Variants in SAMD12 observed in about 807,000 individuals in gnomAD.
The protein encoded by SAMD12 is sterile alpha motif domain containing 12.
Under a neutral mutation model 15.0 loss-of-function variants are expected in SAMD12, and 9 were observed. The ratio of observed to expected loss-of-function variants is 0.60; its 90% CI spans 0.36 to 1.05. The LOEUF (loss-of-function observed/expected upper bound fraction) is 1.05. Among genes scored for constraint, SAMD12 ranks in the 50% least tolerant of loss-of-function variants. The pLI is 0.01. For synonymous variants in SAMD12, 86 were observed against 90.1 expected, an observed-to-expected ratio of 0.96 and a Z score of 0.25; for missense variants, 230 against 234.2, an observed-to-expected ratio of 0.98 and a Z score of 0.12.
chr8:118,193,920 A>G (rs1819481028), exon 5 of SAMD12: 1 of 152,230 alleles, frequency 6.6e-6, no homozygotes, highest in Admixed American at 6.5e-5. Flanking sequence ...CTAGTTGTCA[A>G]GTAACAAAAT....
chr8:118,537,889 T>C (rs753133256), intron 2 of SAMD12, among the ~76,000 whole-genome samples: 6 of 152,192 alleles, frequency 3.9e-5, no homozygotes, highest in Non-Finnish European at 7.3e-5. Flanking sequence ...AAGAATTATG[T>C]CTTTATTGTA....
chr8:118,340,706 T>C (rs1586562180), intron 4 of SAMD12, among the ~76,000 whole-genome samples: 1 of 151,944 alleles, frequency 6.6e-6, no homozygotes, highest in Admixed American at 6.6e-5. Context: ...GAGGTGGAGG[T>C]TGCAGTGAGC....
chr8:118,347,133 A>G (rs1486494002), intron 4 of SAMD12, among the ~76,000 whole-genome samples: 1 of 152,146 alleles, frequency 6.6e-6, no homozygotes, highest in East Asian at 1.9e-4. Flanking sequence ...CTCGCTGTGT[A>G]GCTCAGACTG....
Position 118,378,351 on chromosome 8 carries a change from A to C in SAMD12, c.*1066T>G, listed in dbSNP as rs1819492801. On this transcript the variant is annotated 3_prime_UTR_variant, in exon 4 of 4. Coordinates refer to ENST00000314727, the MANE Select transcript of SAMD12 (RefSeq NM_207506.3). Reference sequence around the variant, plus strand: ...GTATTTCTATCTACTTCTTAAAAGAAGCTTAAAAGCCTATCAGTATTTCAC... The same window carrying C: ...GTATTTCTATCTACTTCTTAAAAGACGCTTAAAAGCCTATCAGTATTTCAC... 1.1e-6 allele frequency: 1 copy of C among 917,308 alleles called. No individual in the cohort carries two copies. The highest frequency in any genetic ancestry group is 5.0e-5 in the South Asian group (1 of 19,844). 56.8% of individuals were successfully genotyped at this position (917,308 alleles called of 1,614,324 possible). A position where few individuals can be genotyped will look rare whatever the true frequency, so the allele number is the denominator to read the frequency against.
intron 4 of SAMD12, among the ~76,000 whole-genome samples, chr8:118,229,832 G>T (rs773853032): frequency 2.6e-5 from 4 of 152,126 alleles, no homozygotes; most frequent in Non-Finnish European, 5.9e-5. Context: ...TGCCCTACCA[G>T]GGCCAGTAAT....
intron 4 of SAMD12, among the ~76,000 whole-genome samples, chr8:118,200,380 G>A (rs374462170): frequency 6.0e-5 from 8 of 134,040 alleles, no homozygotes; most frequent in Non-Finnish European, 1.1e-4. Context: ...CAATCAGCAC[G>A]ATGAAGGGCC....
intron 4 of SAMD12, among the ~76,000 whole-genome samples, chr8:118,286,353 T>C (rs887873200): frequency 6.6e-5 from 10 of 152,154 alleles, no homozygotes; most frequent in Admixed American, 4.6e-4. Context: ...TGGGCACTTC[T>C]CTCTGAGATG....
chr8:118,468,969 G>A (rs1823679609), intron 2 of SAMD12, among the ~76,000 whole-genome samples: 1 of 152,178 alleles, frequency 6.6e-6, no homozygotes. Context: ...GATTCTGCTG[G>A]ATTTTACTCC....
chr8:118,164,750 A>G, the SAMD12 span, among the ~76,000 whole-genome samples: 1 of 151,846 alleles, frequency 6.6e-6, no homozygotes, highest in African/African-American at 2.4e-5. Context: ...TAATAGAGAA[A>G]TAAATAATGT....
intron 4 of SAMD12, among the ~76,000 whole-genome samples, chr8:118,334,886 C>CAA (rs1462599795): frequency 6.6e-6 from 1 of 152,162 alleles, no homozygotes; most frequent in African/African-American, 2.4e-5. Context: ...AGACACCATG[C>CAA]CCGGCTCTCC....
At chr8:118,458,950 A>ATATG (rs1823335620) in intron 2 of SAMD12, among the ~76,000 whole-genome samples, 1 of 149,272 alleles carries the variant, frequency 6.7e-6, no homozygotes. Flanking sequence ...TCAGCTATAT[A>ATATG]TGTGTGTGTG....
At chr8:118,501,833 G>A (rs980918767) in intron 2 of SAMD12, among the ~76,000 whole-genome samples, 2 of 152,080 alleles carry the variant, frequency 1.3e-5, no homozygotes, top group East Asian at 1.9e-4. Context: ...TGGCTAACAC[G>A]GTGAAACCCT....
intron 4 of SAMD12, among the ~76,000 whole-genome samples, chr8:118,319,426 A>T (rs191466183): frequency 5.3e-5 from 8 of 152,298 alleles, no homozygotes; most frequent in African/African-American, 1.9e-4. Flanking sequence ...TGGCAGAAAA[A>T]GGTGACTTGT....
At chr8:118,455,142 C>A (rs562862801) in intron 2 of SAMD12, among the ~76,000 whole-genome samples, 1 of 152,162 alleles carries the variant, frequency 6.6e-6, no homozygotes, top group Admixed American at 6.5e-5. Context: ...CACTGAGACA[C>A]GCAGGTTGCT....
chr8:118,497,989 A>T (rs1370005216), intron 2 of SAMD12, among the ~76,000 whole-genome samples: 1 of 152,192 alleles, frequency 6.6e-6, no homozygotes, highest in Non-Finnish European at 1.5e-5. Context: ...TATGAAAGAA[A>T]GGAAGAAAGT....
intron 1 of SAMD12, among the ~76,000 whole-genome samples, chr8:118,595,555 C>A (rs1563603467): frequency 6.6e-6 from 1 of 152,172 alleles, no homozygotes; most frequent in Non-Finnish European, 1.5e-5. Flanking sequence ...AAAGCTCAGA[C>A]CAGAGAAAGT....
At chr8:118,488,686 G>A (rs73708336) in intron 2 of SAMD12, among the ~76,000 whole-genome samples, 2,438 of 152,216 alleles carry the variant, frequency 0.016, 58 homozygotes, top group African/African-American at 0.053. Context: ...ATTGTTACAC[G>A]CACGAGTAAT....
intron 2 of SAMD12, among the ~76,000 whole-genome samples, chr8:118,536,437 TAC>T (rs34353974): frequency 0.37 from 47,438 of 128,094 alleles, 8,098 homozygotes; most frequent in Admixed American, 0.46. Context: ...TGTAGACTGA[TAC>T]ACAAACACAC....
intron 4 of SAMD12, among the ~76,000 whole-genome samples, chr8:118,254,492 T>C (rs1452471024): frequency 6.6e-6 from 1 of 152,134 alleles, no homozygotes; most frequent in African/African-American, 2.4e-5. Context: ...ATCATCCATC[T>C]CGCCACACCA....
Sources: gnomAD v4.1 joint callset for allele counts (sites outside exome capture counted in the v4.1 genomes callset) on GRCh38, gnomAD v4.1.1 for gene constraint, MANE v1.5 for transcripts, NCBI Gene and HGNC (gene_info 2026-07-23, HGNC 2026-07-21) for gene names.